AP4S1: variants seen among roughly 807,000 people sequenced by gnomAD.
The protein encoded by AP4S1 is AP-4 complex subunit sigma-1.
Under a neutral mutation model 19.8 loss-of-function variants are expected in AP4S1, and 23 were observed. The ratio of observed to expected loss-of-function variants is 1.16; its 90% CI spans 0.84 to 1.65. The LOEUF (loss-of-function observed/expected upper bound fraction) is 1.65, where lower values mean the gene tolerates loss of function less well. Ranked by LOEUF, AP4S1 falls within the 40% of genes most tolerant of loss-of-function variation. The probability of loss-of-function intolerance (pLI) is 0.00; values close to 1 mark genes in which losing one functional copy is unlikely to be tolerated. For missense variants in AP4S1, 166 were observed against 172.8 expected, an observed-to-expected ratio of 0.96 and a Z score of 0.22; for synonymous variants, 46 against 54.1, an observed-to-expected ratio of 0.85 and a Z score of 0.66.
chr14:31,062,004 C>A (rs948997621), intron 1 of AP4S1, among the ~76,000 whole-genome samples: 5 of 152,130 alleles, frequency 3.3e-5, no homozygotes, highest in African/African-American at 1.2e-4. Flanking sequence ...TATTCTACAT[C>A]ATTTCTCATT....
chr14:31,031,828 A>G (rs539724027), intron 1 of AP4S1, among the ~76,000 whole-genome samples: 82 of 152,264 alleles, frequency 5.4e-4, no homozygotes, highest in African/African-American at 1.9e-3. Flanking sequence ...AGTCCTGTTC[A>G]TGCCTCCTCC....
intron 1 of AP4S1, among the ~76,000 whole-genome samples, chr14:31,045,058 C>T (rs1362439369): frequency 1.3e-5 from 2 of 151,966 alleles, no homozygotes; most frequent in East Asian, 3.9e-4. Context: ...TCCGCCACTA[C>T]ACCCGGCTAA....
intron 1 of AP4S1, among the ~76,000 whole-genome samples, chr14:31,058,119 C>T (rs1357322035): frequency 6.6e-6 from 1 of 151,928 alleles, no homozygotes; most frequent in Non-Finnish European, 1.5e-5. Flanking sequence ...GTTGTAGAGG[C>T]ATGGTCTCCT....
In AP4S1 at chr14:31,095,892, T is replaced by C. The variant is rs1286133943; in HGVS notation, c.*2857T>C. ...TGAGGTCAGGAGTTCAAGACCAGCTTGGCCAACATGGTGAGACCCTGTCTC... is the reference window on the plus strand; with the variant it reads ...TGAGGTCAGGAGTTCAAGACCAGCTCGGCCAACATGGTGAGACCCTGTCTC... On this transcript the variant is annotated 3_prime_UTR_variant, in exon 6 of 6. Transcript: ENST00000542754. 2 of 151,996 alleles carry C rather than the reference T, an allele frequency of 1.3e-5. No homozygotes were observed. The highest frequency in any genetic ancestry group is 4.8e-5 in the African/African-American group (2 of 41,372). 9.4% of individuals were successfully genotyped at this position (151,996 alleles called of 1,614,324 possible).
chr14:31,050,256 A>G lies in AP4S1; in HGVS notation c.-71-15870A>G, dbSNP rs1019821690. Reference sequence around the variant, plus strand: ...TATTTTTAGTAGAAACGGTTTCACCATGTTAGCCAGGCTGGTCTCGAACGA... The same window carrying G: ...TATTTTTAGTAGAAACGGTTTCACCGTGTTAGCCAGGCTGGTCTCGAACGA... On this transcript the variant is annotated intron_variant, in intron 1 of 5. Coordinates refer to ENST00000542754, the MANE Select transcript of AP4S1 (RefSeq NM_001128126.3). Among the ~76,000 whole-genome samples the G allele has an allele frequency of 2.0e-5, 3 of 152,052 alleles. No homozygotes were observed. The South Asian group carries it at 6.2e-4, about 32-fold the overall frequency.
intron 5 of AP4S1, chr14:31,084,621 G>T: frequency 7.6e-7 from 1 of 1,321,060 alleles, no homozygotes; most frequent in Non-Finnish European, 1.0e-6. Flanking sequence ...ACACTCCTGT[G>T]CACTCTTCAG....
chr14:31,072,262 G>A lies in AP4S1; in HGVS notation c.226-643G>A, dbSNP rs551891295. Among the ~76,000 whole-genome samples, 14 of 152,058 alleles carry A rather than the reference G, an allele frequency of 9.2e-5. No individual in the cohort carries two copies. In the South Asian group the frequency reaches 2.5e-3, roughly 27 times the overall value. Reference sequence around the variant, plus strand: ...AGCCTATTTTTTTATTTTTTGTAGAGAAGAGGTCTCATTATGTTGGTGAGG... The same window carrying A: ...AGCCTATTTTTTTATTTTTTGTAGAAAAGAGGTCTCATTATGTTGGTGAGG... On this transcript the variant is annotated intron_variant, in intron 3 of 5. Transcript: ENST00000542754.
intron 5 of AP4S1, chr14:31,084,943 A>C: frequency 1.2e-6 from 2 of 1,612,700 alleles, no homozygotes; most frequent in East Asian, 4.5e-5. Flanking sequence ...CTACTCTTCA[A>C]ATCAGTGCGT....
chr14:31,095,077 C>T lies in AP4S1; in HGVS notation c.*2042C>T, dbSNP rs1888167390. ...GCTGTGGTGGTGAGCACCTGTACTCCTAACTACTCAAGAGGCTGAGATGGG... is the reference window on the plus strand; with the variant it reads ...GCTGTGGTGGTGAGCACCTGTACTCTTAACTACTCAAGAGGCTGAGATGGG... On this transcript the variant is annotated 3_prime_UTR_variant, in exon 6 of 6. Coordinates refer to ENST00000542754, the MANE Select transcript of AP4S1 (RefSeq NM_001128126.3). 6.6e-6 allele frequency: 1 copy of T among 152,288 alleles called. No individual in the cohort carries two copies. Among genetic ancestry groups the T allele is most frequent in the South Asian group, 2.1e-4 (1 of 4,826 alleles). 9.4% of individuals were successfully genotyped at this position (152,288 alleles called of 1,614,324 possible).
intron 4 of AP4S1, among the ~76,000 whole-genome samples, chr14:31,079,114 G>A (rs1285429626): frequency 6.6e-6 from 1 of 152,132 alleles, no homozygotes; most frequent in Admixed American, 6.6e-5. Context: ...CAGAGGTGAG[G>A]GTTGTTGCTG....
In AP4S1 at chr14:31,080,558, T is replaced by C; in HGVS notation, c.295-15T>C. The C allele has an allele frequency of 1.2e-6, 2 of 1,607,080 alleles. No individual in the cohort carries two copies. The highest frequency in any genetic ancestry group is 1.7e-4 in the Middle Eastern group (1 of 6,050). ...GTCTTTTTTCTAACCCTTGCACTCT[T>C]TTTCTGTCTTCCAGAGTGAATTAGA... On this transcript the variant is annotated splice_polypyrimidine_tract_variant and intron_variant, in intron 4 of 5. Coordinates refer to ENST00000542754, the MANE Select transcript of AP4S1 (RefSeq NM_001128126.3).
chr14:31,025,965 T>C (rs1165539138), intron 1 of AP4S1, 178 bp downstream of exon 1: 2 of 1,588,172 alleles, frequency 1.3e-6, no homozygotes, highest in South Asian at 1.1e-5. Flanking sequence ...AGCCCACTCG[T>C]GCTGGATGTA....
In AP4S1 at chr14:31,096,201, A is replaced by G. The variant is rs1409081726; in HGVS notation, c.*3166A>G. ...TACTCCTTTAACCCCTTCTCCTGCA[A>G]TGTCTTGAAGTAAATTACTGTCATT... On this transcript the variant is annotated 3_prime_UTR_variant, in exon 6 of 6. Transcript: ENST00000542754. The G allele has an allele frequency of 1.3e-5, 2 of 151,940 alleles. No individual in the cohort carries two copies. The highest frequency in any genetic ancestry group is 1.9e-4 in the East Asian group (1 of 5,180). 9.4% of individuals were successfully genotyped at this position (151,940 alleles called of 1,614,324 possible).
chr14:31,076,954 G>A (rs562395490), intron 4 of AP4S1, among the ~76,000 whole-genome samples: 9 of 152,040 alleles, frequency 5.9e-5, no homozygotes, highest in African/African-American at 9.7e-5. Context: ...TTTTTGAGAC[G>A]GAGTTTTGCT....
chr14:31,090,419 G>A (rs569740660), intron 5 of AP4S1, among the ~76,000 whole-genome samples: 1 of 152,308 alleles, frequency 6.6e-6, no homozygotes, highest in South Asian at 2.1e-4. Flanking sequence ...GGGAGAAAGT[G>A]GACTTCAGTA....
chr14:31,066,808 T>C (rs1235592555), intron 2 of AP4S1, among the ~76,000 whole-genome samples: 2 of 152,188 alleles, frequency 1.3e-5, no homozygotes, highest in African/African-American at 4.8e-5. Context: ...TTATTCTGCT[T>C]ATTATTTTTG....
intron 1 of AP4S1, among the ~76,000 whole-genome samples, chr14:31,047,920 G>A (rs1047018325): frequency 6.6e-6 from 1 of 152,006 alleles, no homozygotes; most frequent in South Asian, 2.1e-4. Flanking sequence ...CAAGTGATTC[G>A]CTCACCTCGG....
chr14:31,065,810 G>A (rs1022728817), intron 1 of AP4S1, among the ~76,000 whole-genome samples: 1 of 151,980 alleles, frequency 6.6e-6, no homozygotes, highest in African/African-American at 2.4e-5. Context: ...ACAGGCCCCC[G>A]CCACCACGCC....
At chr14:31,066,366 A>C in intron 2 of AP4S1, 32 bp downstream of exon 2, 1 of 1,613,498 alleles carries the variant, frequency 6.2e-7, no homozygotes. Context: ...TTATCTCTGC[A>C]TTCAACTCAG....
Sources: allele counts gnomAD v4.1 joint callset (sites outside exome capture counted in the v4.1 genomes callset), GRCh38; gene constraint gnomAD v4.1.1; transcripts MANE v1.5; gene names NCBI Gene and HGNC (gene_info 2026-07-23, HGNC 2026-07-21).